Variants in BDKRB2 observed in about 807,000 individuals in gnomAD.
BDKRB2 encodes bradykinin receptor B2.
In BDKRB2, 6 loss-of-function variants were observed where a neutral mutation model predicts 4.0. The ratio of observed to expected loss-of-function variants is 1.49; its 90% CI spans 0.81 to 2.93. BDKRB2 has a LOEUF of 2.93. Ranked by LOEUF, BDKRB2 falls within the 30% of genes most tolerant of loss-of-function variation. The pLI is 0.00. For missense variants in BDKRB2, 478 were observed against 520.1 expected (o/e 0.92, Z 0.79); for synonymous variants, 225 against 215.3 (o/e 1.05, Z -0.40).
intron 1 of BDKRB2, among the ~76,000 whole-genome samples, chr14:96,213,318 A>G (rs1890344003): frequency 1.3e-5 from 2 of 152,132 alleles, no homozygotes; most frequent in South Asian, 4.1e-4. Context: ...GGTGGGAGAG[A>G]CAGGCAGAGA....
intron 1 of BDKRB2, among the ~76,000 whole-genome samples, chr14:96,232,521 A>C (rs1890840866): frequency 6.6e-6 from 1 of 152,258 alleles, no homozygotes; most frequent in Non-Finnish European, 1.5e-5. Flanking sequence ...TTGAACTGCA[A>C]CTTCATGTCA....
intron 2 of BDKRB2, chr14:96,239,167 C>T (rs1373808157): frequency 4.1e-6 from 4 of 985,320 alleles, no homozygotes; most frequent in Admixed American, 1.2e-4. Context: ...ACCCACAGCA[C>T]AGGGCACTGG....
chr14:96,207,604 A>G (rs1420975834), intron 1 of BDKRB2, among the ~76,000 whole-genome samples: 1 of 152,082 alleles, frequency 6.6e-6, no homozygotes, highest in South Asian at 2.1e-4. Flanking sequence ...AAAACTATGG[A>G]CTTTGGGTGA....
chr14:96,214,138 A>C (rs1595248458), intron 1 of BDKRB2, among the ~76,000 whole-genome samples: 1 of 152,148 alleles, frequency 6.6e-6, no homozygotes, highest in South Asian at 2.1e-4. Context: ...GGCACCCTGC[A>C]TGTCCCCTCA....
chr14:96,215,624 C>T (rs1207104624), intron 1 of BDKRB2, among the ~76,000 whole-genome samples: 4 of 152,160 alleles, frequency 2.6e-5, no homozygotes, highest in Non-Finnish European at 2.9e-5. Context: ...ATCTGCTTTC[C>T]TCTCACAGTC....
intron 1 of BDKRB2, among the ~76,000 whole-genome samples, chr14:96,207,590 G>C (rs960996856): frequency 1.3e-5 from 2 of 152,096 alleles, no homozygotes; most frequent in Non-Finnish European, 2.9e-5. Context: ...AGTGAACCCT[G>C]ATGAAAACTA....
At chr14:96,213,110 C>T (rs981969252) in intron 1 of BDKRB2, among the ~76,000 whole-genome samples, 3 of 152,164 alleles carry the variant, frequency 2.0e-5, no homozygotes, top group African/African-American at 7.2e-5. Context: ...GGTCACTGAC[C>T]TCTCCGAACC....
chr14:96,210,026 A>G (rs1325152702), intron 1 of BDKRB2, among the ~76,000 whole-genome samples: 1 of 151,970 alleles, frequency 6.6e-6, no homozygotes, highest in Non-Finnish European at 1.5e-5. Flanking sequence ...AATCATCATC[A>G]TCATCATCAT....
intron 1 of BDKRB2, among the ~76,000 whole-genome samples, chr14:96,235,254 A>G (rs1406607854): frequency 6.6e-6 from 1 of 151,074 alleles, no homozygotes; most frequent in Non-Finnish European, 1.5e-5. Flanking sequence ...AGGCTGAGAC[A>G]GGAGAATCGC....
At chr14:96,216,749 AAGGAGG>A (rs1219578006) in intron 1 of BDKRB2, among the ~76,000 whole-genome samples, 1 of 80,060 alleles carries the variant, frequency 1.2e-5, no homozygotes, top group Non-Finnish European at 2.2e-5. Context: ...GAGGAGGAGG[AAGGAGG>A]AGGAGGAGGA....
At position 96,239,465 on chromosome 14, in the gene BDKRB2, C is replaced by T. The variant is rs141325992; in HGVS notation, c.75-938C>T. On this transcript the variant is annotated intron_variant, in intron 2 of 2. Coordinates refer to ENST00000554311, the MANE Select transcript of BDKRB2 (RefSeq NM_001379692.1). ...GCAACAAGTCTAGAAAGGTGCCTGC[C>T]CTATGGTCTGTGAGTCTTGCCTAAG... 6.8e-5 allele frequency: 67 copies of T among 985,324 alleles called. 1 individual carries two copies. The African/African-American group carries it at 1.0e-3, about 15-fold the overall frequency. The allele number at this position is 985,324 out of a possible 1,614,324, so 61.0% of individuals were successfully genotyped here.
Position 96,216,636 on chromosome 14 carries a change from GAAGA to G in BDKRB2, c.-40+11678_-40+11681del, listed in dbSNP as rs1320641585. Reference sequence around the variant, plus strand: ...AGATCCTGTTTCAACAAAAGAAAAAGAAGAGAGAAGAGGAAGAAAGAAGGAGGAG... The same window carrying G: ...AGATCCTGTTTCAACAAAAGAAAAAGGAGAAGAGGAAGAAAGAAGGAGGAG... On this transcript the variant is annotated intron_variant, in intron 1 of 2. Coordinates refer to ENST00000554311, the MANE Select transcript of BDKRB2 (RefSeq NM_001379692.1). Among the ~76,000 whole-genome samples, 523 of 147,524 alleles carry G rather than the reference GAAGA, an allele frequency of 3.5e-3. 4 individuals are homozygous for G. Among genetic ancestry groups the G allele is most frequent in the Non-Finnish European group, 6.0e-3 (403 of 67,244 alleles).
chr14:96,215,440 T>G (rs1158002676), intron 1 of BDKRB2, among the ~76,000 whole-genome samples: 1 of 149,886 alleles, frequency 6.7e-6, no homozygotes, highest in Non-Finnish European at 1.5e-5. Flanking sequence ...AAGCTTTTCC[T>G]GTCCTTTTGA....
chr14:96,226,837 GA>G (rs1415924458), intron 1 of BDKRB2, among the ~76,000 whole-genome samples: 1 of 152,176 alleles, frequency 6.6e-6, no homozygotes, highest in African/African-American at 2.4e-5. Flanking sequence ...AATACTCCAG[GA>G]TTCTGTAAGG....
chr14:96,234,116 T>C (rs10139406), intron 1 of BDKRB2: 20 of 152,158 alleles, frequency 1.3e-4, no homozygotes, highest in African/African-American at 4.6e-4. Flanking sequence ...CCAGGATGCA[T>C]TCATCAGGGT....
chr14:96,239,937 A>T (rs2139799340), intron 2 of BDKRB2: 1 of 986,280 alleles, frequency 1.0e-6, no homozygotes, highest in Middle Eastern at 5.2e-4. Context: ...TCTCCAAGCC[A>T]GACTGGAATC....
In BDKRB2 at chr14:96,240,916, G is replaced by C; in HGVS notation, c.588G>C (p.Arg196=). Reference sequence around the variant, plus strand: ...TGAGCTCACCCATGCTGGTGTTCCGGACCATGAAGGAGTACAGCGATGAGG... The same window carrying C: ...TGAGCTCACCCATGCTGGTGTTCCGCACCATGAAGGAGTACAGCGATGAGG... ...LLLSSPMLVF[R]TMKEYSDEGH... Residue 196 remains arginine, a synonymous_variant, in exon 3 of 3, where the codon CGG becomes CGC. Coordinates refer to ENST00000554311, the MANE Select transcript of BDKRB2 (RefSeq NM_001379692.1). The C allele has an allele frequency of 6.3e-7, 1 of 1,596,836 alleles. No individual in the cohort carries two copies. The highest frequency in any genetic ancestry group is 1.3e-5 in the African/African-American group (1 of 74,866).
At chr14:96,223,444 A>T (rs1890623207) in intron 1 of BDKRB2, 1 of 681,728 alleles carries the variant, frequency 1.5e-6, no homozygotes, top group Admixed American at 2.2e-5. Context: ...CTTGTTTCTC[A>T]CTTTGATATT....
At chr14:96,210,370 C>A (rs905642106) in intron 1 of BDKRB2, among the ~76,000 whole-genome samples, 2 of 152,048 alleles carry the variant, frequency 1.3e-5, no homozygotes, top group Non-Finnish European at 2.9e-5. Context: ...TACACATGTC[C>A]TTGAAGTGGA....
Sources: allele counts gnomAD v4.1 joint callset (sites outside exome capture counted in the v4.1 genomes callset), GRCh38; gene constraint gnomAD v4.1.1; transcripts MANE v1.5; gene names NCBI Gene and HGNC (gene_info 2026-07-23, HGNC 2026-07-21).